The following CLSTN2 variants were observed in gnomAD, a reference collection of about 807,000 sequenced individuals.
CLSTN2 encodes the protein calsyntenin 2.
CLSTN2 carries 48 observed loss-of-function variants against 101.2 expected under a neutral mutation model. The observed-to-expected ratio is 0.47, with a 90% CI of 0.38 to 0.60. The LOEUF (loss-of-function observed/expected upper bound fraction) is 0.60, where lower values mean the gene tolerates loss of function less well. Among genes scored for constraint, CLSTN2 ranks in the 20% least tolerant of loss-of-function variants. The pLI is 0.00. For missense variants in CLSTN2, 1,160 were observed against 1,238.2 expected (o/e 0.94, Z 0.95); for synonymous variants, 481 against 463.6 (o/e 1.04, Z -0.48).
chr3:140,494,039 G>GA (rs1934402293), intron 8 of CLSTN2, among the ~76,000 whole-genome samples: 1 of 152,008 alleles, frequency 6.6e-6, no homozygotes, highest in African/African-American at 2.4e-5. Flanking sequence ...CTCCATACAA[G>GA]AAAAAAATCT....
intron 9 of CLSTN2, among the ~76,000 whole-genome samples, chr3:140,542,001 G>T (rs1350420263): frequency 2.0e-5 from 3 of 152,126 alleles, no homozygotes; most frequent in African/African-American, 7.2e-5. Context: ...TAAGGTAGAA[G>T]AAACAACTAG....
At chr3:139,936,472 T>C (rs1334091880) in intron 1 of CLSTN2, among the ~76,000 whole-genome samples, 2 of 152,178 alleles carry the variant, frequency 1.3e-5, no homozygotes, top group African/African-American at 4.8e-5. Flanking sequence ...GCGTTTGGTT[T>C]GTGGACTGTG....
intron 1 of CLSTN2, among the ~76,000 whole-genome samples, chr3:140,077,454 C>A (rs2008511482): frequency 6.6e-6 from 1 of 152,200 alleles, no homozygotes; most frequent in African/African-American, 2.4e-5. Context: ...CTTCCTTGAA[C>A]CAAGGTTCTT....
intron 1 of CLSTN2, among the ~76,000 whole-genome samples, chr3:140,046,205 G>A (rs1012374866): frequency 5.3e-5 from 8 of 151,610 alleles, no homozygotes; most frequent in Non-Finnish European, 8.8e-5. Flanking sequence ...TCCTGTATTG[G>A]GGGCATATAT....
chr3:140,556,653 C>T lies in CLSTN2; in HGVS notation c.1815C>T (p.Ser605=), dbSNP rs769554833. ...GTGTGCGGCGCCTCAAAGTATCCTCCAAAGTCCAGTGAGTGGACGCTGGTC... is the reference window on the plus strand; with the variant it reads ...GTGTGCGGCGCCTCAAAGTATCCTCTAAAGTCCAGTGAGTGGACGCTGGTC... ...TAGVRRLKVS[S]KVQCFGEDVC... is the part of the protein sequence containing the mutation. The change falls in exon 11 of 17, where the codon TCC becomes TCT. Residue 605 remains serine, a synonymous_variant. Transcript: ENST00000458420. 8 of 1,613,920 alleles carry T rather than the reference C, an allele frequency of 5.0e-6. No individual in the cohort carries two copies. Among genetic ancestry groups the T allele is most frequent in the Non-Finnish European group, 6.8e-6 (8 of 1,179,908 alleles).
At chr3:140,343,431 A>G (rs984275382) in intron 2 of CLSTN2, among the ~76,000 whole-genome samples, 3 of 152,244 alleles carry the variant, frequency 2.0e-5, no homozygotes, top group African/African-American at 7.2e-5. Context: ...AGGTTAGCTC[A>G]ACAAAAAATT....
intron 2 of CLSTN2, among the ~76,000 whole-genome samples, chr3:140,378,933 C>T (rs1026849869): frequency 6.6e-6 from 1 of 152,178 alleles, no homozygotes; most frequent in East Asian, 1.9e-4. Context: ...TCCCACCTTT[C>T]CTCCTTCCTG....
At chr3:140,503,525 G>A (rs960389344) in intron 8 of CLSTN2, among the ~76,000 whole-genome samples, 6 of 151,986 alleles carry the variant, frequency 3.9e-5, no homozygotes, top group African/African-American at 1.5e-4. Flanking sequence ...TATGATGTTC[G>A]ACAATGAAGA....
intron 2 of CLSTN2, among the ~76,000 whole-genome samples, chr3:140,276,641 T>C (rs894578387): frequency 2.6e-5 from 4 of 152,176 alleles, no homozygotes; most frequent in African/African-American, 9.6e-5. Context: ...TCCATTTCAC[T>C]GGGGACCCTG....
chr3:140,292,984 G>T (rs894768650), intron 2 of CLSTN2, among the ~76,000 whole-genome samples: 1 of 152,168 alleles, frequency 6.6e-6, no homozygotes, highest in African/African-American at 2.4e-5. Context: ...CTGTCCCTGC[G>T]GACTTAGAGT....
chr3:140,265,729 T>C (rs1216414086), intron 2 of CLSTN2, among the ~76,000 whole-genome samples: 2 of 152,168 alleles, frequency 1.3e-5, no homozygotes, highest in Non-Finnish European at 2.9e-5. Context: ...TTTTCATCAT[T>C]ATTCCCACTC....
intron 1 of CLSTN2, among the ~76,000 whole-genome samples, chr3:140,058,402 A>G (rs2008137476): frequency 6.6e-6 from 1 of 152,210 alleles, no homozygotes; most frequent in Non-Finnish European, 1.5e-5. Flanking sequence ...GATGGAAGAC[A>G]TGGCATGAGA....
intron 2 of CLSTN2, among the ~76,000 whole-genome samples, chr3:140,200,481 T>C (rs1006888742): frequency 6.6e-6 from 1 of 152,152 alleles, no homozygotes; most frequent in African/African-American, 2.4e-5. Flanking sequence ...TAACAGTTTA[T>C]TTCTTAGTCT....
At chr3:140,092,370 T>G (rs1434468426) in intron 1 of CLSTN2, among the ~76,000 whole-genome samples, 1 of 152,216 alleles carries the variant, frequency 6.6e-6, no homozygotes, top group Non-Finnish European at 1.5e-5. Context: ...CACAGAGAAC[T>G]GAACATTTCA....
chr3:140,492,535 T>C lies in CLSTN2; in HGVS notation c.1344+25804T>C, dbSNP rs189959544. The stretch of plus-strand genomic sequence containing the variant: ...TGTTCTGGATTTTATGCTGGACGCT[T>C]GAAATACAGGACTAAATCCAAGGTG... On this transcript the variant is annotated intron_variant, in intron 8 of 16. Coordinates refer to ENST00000458420, the MANE Select transcript of CLSTN2 (RefSeq NM_022131.3). 3.9e-5 allele frequency among the ~76,000 whole-genome samples: 6 copies of C among 152,324 alleles called. No homozygotes were observed. In the East Asian group the frequency reaches 1.2e-3, roughly 29 times the overall value.
intron 9 of CLSTN2, among the ~76,000 whole-genome samples, chr3:140,537,385 G>GAA (rs150656306): frequency 6.7e-6 from 1 of 150,038 alleles, no homozygotes; most frequent in African/African-American, 2.4e-5. Context: ...TTCTAGCAAT[G>GAA]AAAAAAAAAT....
At chr3:140,082,673 C>T (rs1183350324) in intron 1 of CLSTN2, among the ~76,000 whole-genome samples, 8 of 152,180 alleles carry the variant, frequency 5.3e-5, no homozygotes, top group Non-Finnish European at 1.2e-4. Context: ...TGCTCTGTCA[C>T]CATCCCCTTT....
intron 8 of CLSTN2, among the ~76,000 whole-genome samples, chr3:140,478,334 A>G (rs1174172923): frequency 5.7e-4 from 22 of 38,804 alleles, no homozygotes; most frequent in African/African-American, 5.3e-3. Context: ...AAACATCCAG[A>G]AAAAAAAAAA....
At chr3:140,335,353 C>T (rs1384493397) in intron 2 of CLSTN2, among the ~76,000 whole-genome samples, 1 of 152,102 alleles carries the variant, frequency 6.6e-6, no homozygotes, top group Non-Finnish European at 1.5e-5. Context: ...AATTTCGGTA[C>T]CACCTTCTAT....
Sources: gnomAD v4.1 joint callset for allele counts (sites outside exome capture counted in the v4.1 genomes callset) on GRCh38, gnomAD v4.1.1 for gene constraint, MANE v1.5 for transcripts, NCBI Gene and HGNC (gene_info 2026-07-23, HGNC 2026-07-21) for gene names.